Variants in ATF6 observed in about 807,000 individuals in gnomAD.
The protein encoded by ATF6 is activating transcription factor 6, also known as cyclic AMP-dependent transcription factor ATF-6 alpha.
ATF6 carries 53 observed loss-of-function variants against 83.6 expected under a neutral mutation model. The observed-to-expected ratio is 0.63, with a 90% CI of 0.51 to 0.80. The LOEUF (loss-of-function observed/expected upper bound fraction) is 0.80. ATF6 is among the 30% of genes least tolerant of loss of function. The pLI is 0.00. For synonymous variants in ATF6, 288 were observed against 285.8 expected, an observed-to-expected ratio of 1.01 and a Z score of -0.08; for missense variants, 744 against 797.9, an observed-to-expected ratio of 0.93 and a Z score of 0.81.
Position 161,819,786 on chromosome 1 carries a change from C to G in ATF6, c.1063C>G (p.Leu355Val). The G allele has an allele frequency of 6.2e-7, 1 of 1,610,766 alleles. No individual in the cohort carries two copies. The highest frequency in any genetic ancestry group is 8.5e-7 in the Non-Finnish European group (1 of 1,178,502). Reference protein sequence around the residue: ...NEQLKKENGTLKRQLDEVVSE... With the variant: ...NEQLKKENGTVKRQLDEVVSE... ...GCAACTGAAGAAAGAAAATGGAACA[C>G]TGAAGCGGCAGCTGGATGAAGTTGT... The change falls in exon 8 of 16, where the codon CTG (leucine) becomes GTG (valine). Residue 355 changes from leucine to valine, a missense_variant. Transcript: ENST00000367942.
At position 161,821,085 on chromosome 1, in the gene ATF6, G is replaced by T; in HGVS notation, c.1111G>T (p.Val371Phe). 6.2e-7 allele frequency: 1 copy of T among 1,610,510 alleles called. No homozygotes were observed. Among genetic ancestry groups the T allele is most frequent in the Non-Finnish European group, 8.5e-7 (1 of 1,178,312 alleles). Residue 371 changes from valine to phenylalanine, a missense_variant, in exon 9 of 16, where the codon GTC (valine) becomes TTC (phenylalanine). Coordinates refer to ENST00000367942, the MANE Select transcript of ATF6 (RefSeq NM_007348.4). ...TTTCCTTTAGAACCAGAGGCTTAAA[G>T]TCCCTAGTCCAAAGCGAAGAGTTGT... ...EVVSENQRLK[V>F]PSPKRRVVCV...
chr1:161,950,568 C>T (rs1165236142), intron 15 of ATF6, among the ~76,000 whole-genome samples: 1 of 152,134 alleles, frequency 6.6e-6, no homozygotes, highest in Non-Finnish European at 1.5e-5. Flanking sequence ...TACATGGTGC[C>T]AGTGTTTTAA....
intron 10 of ATF6, among the ~76,000 whole-genome samples, chr1:161,850,501 A>G (rs1336513992): frequency 6.6e-6 from 1 of 151,858 alleles, no homozygotes; most frequent in African/African-American, 2.4e-5. Flanking sequence ...TTCCATTTCA[A>G]CCATTTGTTT....
intron 10 of ATF6, among the ~76,000 whole-genome samples, chr1:161,849,040 A>G (rs1055993666): frequency 2.0e-5 from 3 of 152,142 alleles, no homozygotes; most frequent in Non-Finnish European, 4.4e-5. Flanking sequence ...TATTTTCAAA[A>G]GCAGTTTTGG....
At chr1:161,878,526 A>T (rs866923713) in intron 14 of ATF6, among the ~76,000 whole-genome samples, 6 of 152,128 alleles carry the variant, frequency 3.9e-5, no homozygotes, top group African/African-American at 1.4e-4. Flanking sequence ...TTGGAGAAGG[A>T]TGAGAGCAGC....
At position 161,863,359 on chromosome 1, in the gene ATF6, C is replaced by T. The variant is rs544067991; in HGVS notation, c.1719+47C>T. The T allele has an allele frequency of 3.4e-5, 42 of 1,223,886 alleles. No individual in the cohort carries two copies. In the South Asian group the frequency reaches 3.9e-4, roughly 11 times the overall value. 75.8% of individuals were successfully genotyped at this position (1,223,886 alleles called of 1,614,324 possible). On this transcript the variant is annotated intron_variant, in intron 14 of 15. Coordinates refer to ENST00000367942, the MANE Select transcript of ATF6 (RefSeq NM_007348.4). ...AGAGCAAATATTTTTGAGTGCTTGC[C>T]GTACACAAGACATTGGGCTGAATAT...
intron 7 of ATF6, among the ~76,000 whole-genome samples, chr1:161,808,783 G>A (rs1051825406): frequency 6.6e-5 from 10 of 151,648 alleles, no homozygotes; most frequent in Non-Finnish European, 1.5e-4. Context: ...ATTGCACAGG[G>A]TGGTCTTGAG....
intron 3 of ATF6, among the ~76,000 whole-genome samples, chr1:161,783,335 A>C (rs971320530): frequency 1.3e-5 from 2 of 152,180 alleles, no homozygotes; most frequent in African/African-American, 4.8e-5. Context: ...AGGGAAGATC[A>C]TGAAGGATGG....
At chr1:161,820,753 A>T (rs1167689516) in intron 8 of ATF6, among the ~76,000 whole-genome samples, 5 of 152,080 alleles carry the variant, frequency 3.3e-5, no homozygotes, top group Non-Finnish European at 5.9e-5. Flanking sequence ...TCTCAAAAAA[A>T]TATATATACA....
At position 161,957,307 on chromosome 1, in the gene ATF6, G is replaced by C. The variant is rs997911652; in HGVS notation, c.1805-1139G>C. On this transcript the variant is annotated intron_variant, in intron 15 of 15. Coordinates refer to ENST00000367942, the MANE Select transcript of ATF6 (RefSeq NM_007348.4). The stretch of plus-strand genomic sequence containing the variant: ...TTTGTAGAAAGGCAGTACAGAACTA[G>C]GTTGTTGCCGGCAGTTCTTCCCCAG... Among the ~76,000 whole-genome samples the C allele has an allele frequency of 2.0e-5, 3 of 152,270 alleles. No homozygotes were observed. In the East Asian group the frequency reaches 5.8e-4, roughly 29 times the overall value.
chr1:161,928,753 T>A (rs1470885619), intron 15 of ATF6, among the ~76,000 whole-genome samples: 1 of 152,172 alleles, frequency 6.6e-6, no homozygotes, highest in Non-Finnish European at 1.5e-5. Flanking sequence ...TAAACTGTCT[T>A]CTCACTAATG....
At chr1:161,781,853 A>AT (rs1470199233) in intron 2 of ATF6, 59 bp from the exon 3 acceptor site, 1 of 1,173,712 alleles carries the variant, frequency 8.5e-7, no homozygotes, top group Non-Finnish European at 1.2e-6. Context: ...TCACAGTTTG[A>AT]TTTTAAGATG....
intron 7 of ATF6, among the ~76,000 whole-genome samples, chr1:161,813,101 A>G (rs952288124): frequency 4.6e-5 from 7 of 152,074 alleles, no homozygotes; most frequent in Non-Finnish European, 8.8e-5. Flanking sequence ...AGAAAAAAGA[A>G]AAAAAAAGAA....
intron 4 of ATF6, among the ~76,000 whole-genome samples, chr1:161,789,294 C>T (rs1442581760): frequency 1.4e-5 from 2 of 143,698 alleles, no homozygotes; most frequent in Non-Finnish European, 3.0e-5. Flanking sequence ...TTAACAATCC[C>T]CATCTCACTA....
chr1:161,801,466 A>T (rs1462361489), intron 6 of ATF6, among the ~76,000 whole-genome samples: 1 of 147,166 alleles, frequency 6.8e-6, no homozygotes, highest in Non-Finnish European at 1.5e-5. Context: ...TAATTTTTAA[A>T]TTTTTTTTTG....
chr1:161,804,440 T>TA (rs1685229440), intron 7 of ATF6, among the ~76,000 whole-genome samples: 1 of 151,128 alleles, frequency 6.6e-6, no homozygotes, highest in Non-Finnish European at 1.5e-5. Flanking sequence ...AACCATGGGG[T>TA]AGAGGAGTGG....
rs554522636 is a variant in ATF6 at position 161,820,253 on chromosome 1, G to A, written c.1095+435G>A. Among the ~76,000 whole-genome samples, 212 of 152,116 alleles carry A rather than the reference G, an allele frequency of 1.4e-3. 2 individuals carry two copies. Among genetic ancestry groups the A allele is most frequent in the Non-Finnish European group, 1.5e-3 (102 of 68,014 alleles). On this transcript the variant is annotated intron_variant, in intron 8 of 15. Coordinates refer to ENST00000367942, the MANE Select transcript of ATF6 (RefSeq NM_007348.4). ...GGTTTTAATCTCCTCAGTTCTATTC[G>A]GGAAATTTGCTGTTTTCAGAATTTC...
intron 14 of ATF6, among the ~76,000 whole-genome samples, chr1:161,890,184 C>G (rs1282770246): frequency 6.6e-6 from 1 of 152,180 alleles, no homozygotes; most frequent in African/African-American, 2.4e-5. Flanking sequence ...GATCTTTAAT[C>G]TACAGTCCAG....
chr1:161,826,232 G>A (rs960042206), intron 9 of ATF6, among the ~76,000 whole-genome samples: 2 of 152,114 alleles, frequency 1.3e-5, no homozygotes, highest in African/African-American at 2.4e-5. Context: ...ACATCTCATT[G>A]TGGAAGCCCT....
Sources: allele counts gnomAD v4.1 joint callset (sites outside exome capture counted in the v4.1 genomes callset), GRCh38; gene constraint gnomAD v4.1.1; transcripts MANE v1.5; gene names NCBI Gene and HGNC (gene_info 2026-07-23, HGNC 2026-07-21).